Variants in ASPRV1 observed in about 807,000 individuals in gnomAD.
ASPRV1 encodes the protein retroviral-like aspartic protease 1.
Under a neutral mutation model 11.0 loss-of-function variants are expected in ASPRV1, and 7 were observed. That is an observed-to-expected ratio of 0.64 (90% CI 0.36 to 1.20). The LOEUF is 1.20. ASPRV1 is among the 50% of genes most tolerant of loss of function. The pLI, the probability that ASPRV1 is intolerant of heterozygous loss-of-function variation, is 0.02. For missense variants in ASPRV1, 299 were observed against 320.0 expected (o/e 0.93, Z 0.50); for synonymous variants, 136 against 138.4 (o/e 0.98, Z 0.12).
chr2:69,938,896 G>A, the ASPRV1 span: 1 of 152,750 alleles, frequency 6.5e-6, no homozygotes, highest in Non-Finnish European at 1.5e-5. Flanking sequence ...ACTTTAAAAT[G>A]GACACCTTGA....
upstream of ASPRV1, among the ~76,000 whole-genome samples, chr2:69,965,012 G>A (rs2104299301): frequency 1.3e-5 from 2 of 152,326 alleles, no homozygotes; most frequent in South Asian, 4.1e-4. Flanking sequence ...GAGACCTGAA[G>A]CCCTTGGTGG....
chr2:70,058,880 A>G, the ASPRV1 span, among the ~76,000 whole-genome samples: 1 of 135,552 alleles, frequency 7.4e-6, no homozygotes, highest in Non-Finnish European at 1.6e-5. Context: ...TTTATTACCC[A>G]ACTTTTTTTT....
At chr2:70,059,030 G>A in the ASPRV1 span, among the ~76,000 whole-genome samples, 155 of 150,666 alleles carry the variant, frequency 1.0e-3, no homozygotes, top group African/African-American at 3.4e-3. Flanking sequence ...TGGGACTACA[G>A]GCGCCCGCCA....
At chr2:70,006,110 C>A in the ASPRV1 span, among the ~76,000 whole-genome samples, 5 of 152,206 alleles carry the variant, frequency 3.3e-5, no homozygotes, top group Admixed American at 2.6e-4. Context: ...CATGCACATG[C>A]CCATGCCCAT....
the ASPRV1 span, among the ~76,000 whole-genome samples, chr2:69,946,085 G>A: frequency 6.6e-6 from 1 of 152,168 alleles, no homozygotes; most frequent in Non-Finnish European, 1.5e-5. Flanking sequence ...CCCCAGCCAT[G>A]CACAGGGACC....
downstream of ASPRV1, among the ~76,000 whole-genome samples, chr2:69,958,468 C>T (rs1218531070): frequency 6.6e-6 from 1 of 152,208 alleles, no homozygotes; most frequent in Non-Finnish European, 1.5e-5. Context: ...CAGGACAGGG[C>T]TCCACTCCGT....
At chr2:70,071,044 T>C in the ASPRV1 span, among the ~76,000 whole-genome samples, 1 of 152,152 alleles carries the variant, frequency 6.6e-6, no homozygotes, top group Non-Finnish European at 1.5e-5. Flanking sequence ...GTTTGTCAAG[T>C]GCCCGGATAA....
the ASPRV1 span, among the ~76,000 whole-genome samples, chr2:70,009,897 A>G: frequency 6.6e-6 from 1 of 152,152 alleles, no homozygotes; most frequent in African/African-American, 2.4e-5. Context: ...TGTAGGGCGA[A>G]GCCCCACGGC....
the ASPRV1 span, among the ~76,000 whole-genome samples, chr2:70,005,953 C>T: frequency 6.6e-6 from 1 of 152,190 alleles, no homozygotes; most frequent in Admixed American, 6.5e-5. Flanking sequence ...ACTGTCTGCC[C>T]TTCGATAGCC....
chr2:70,028,369 CTT>C, the ASPRV1 span: 1 of 152,182 alleles, frequency 6.6e-6, no homozygotes, highest in African/African-American at 2.4e-5. Context: ...TGCGCTGAGT[CTT>C]TGGAAATTAG....
chr2:69,983,217 C>T, the ASPRV1 span, among the ~76,000 whole-genome samples: 1 of 152,210 alleles, frequency 6.6e-6, no homozygotes, highest in Non-Finnish European at 1.5e-5. Flanking sequence ...CCATGTCTGG[C>T]TGGAACCCTG....
At chr2:69,939,581 T>C in the ASPRV1 span, 1 of 152,674 alleles carries the variant, frequency 6.5e-6, no homozygotes, top group Non-Finnish European at 1.5e-5. Context: ...TGTGGTTTTA[T>C]AGATGTTCTA....
the ASPRV1 span, chr2:70,049,073 A>G: frequency 9.3e-5 from 14 of 151,270 alleles, no homozygotes; most frequent in South Asian, 2.1e-4. Context: ...GTTTTAGGGT[A>G]CATGTGCACA....
At chr2:69,960,035 T>G (rs914299068), downstream of ASPRV1, 1 of 152,598 alleles carries the variant, frequency 6.6e-6, no homozygotes, top group Non-Finnish European at 1.5e-5. Flanking sequence ...TCCCTTGTCT[T>G]TGATGCTGAC....
the ASPRV1 span, among the ~76,000 whole-genome samples, chr2:70,063,542 G>T: frequency 1.3e-5 from 2 of 152,160 alleles, no homozygotes; most frequent in Non-Finnish European, 2.9e-5. Flanking sequence ...CTGTCTGAAG[G>T]AAGCTCCAGG....
chr2:69,939,534 ATAAAC>A, the ASPRV1 span: 2 of 152,668 alleles, frequency 1.3e-5, no homozygotes, highest in Non-Finnish European at 2.9e-5. Flanking sequence ...TTCATTTTAT[ATAAAC>A]TAATGTAATG....
At chr2:69,992,497 T>G in the ASPRV1 span, among the ~76,000 whole-genome samples, 5 of 152,218 alleles carry the variant, frequency 3.3e-5, no homozygotes, top group Admixed American at 2.6e-4. Flanking sequence ...GCCCGCCCCC[T>G]TCCTCCCTGT....
rs1304206226 is a variant in ASPRV1 at position 69,960,355 on chromosome 2, C to T, written c.*302G>A. 3.0e-6 allele frequency: 1 copy of T among 338,876 alleles called. No individual in the cohort carries two copies. Among genetic ancestry groups the T allele is most frequent in the Admixed American group, 4.3e-5 (1 of 23,462 alleles). 21.0% of individuals were successfully genotyped at this position (338,876 alleles called of 1,614,324 possible). ...GTCCCACAGTTCTTTCAAAGACAAG[C>T]ATTTCTAGCTTCCTTGGGAGCTCTT... On this transcript the variant is annotated 3_prime_UTR_variant, in exon 1 of 1. Transcript: ENST00000320256.
the ASPRV1 span, among the ~76,000 whole-genome samples, chr2:69,970,300 CAG>C: frequency 6.6e-6 from 1 of 152,142 alleles, no homozygotes; most frequent in African/African-American, 2.4e-5. Flanking sequence ...CTCAGGCCAC[CAG>C]AGTCATCTTC....
Sources: allele counts gnomAD v4.1 joint callset (sites outside exome capture counted in the v4.1 genomes callset), GRCh38; gene constraint gnomAD v4.1.1; transcripts MANE v1.5; gene names NCBI Gene and HGNC (gene_info 2026-07-23, HGNC 2026-07-21).